The following BNC2 variants were observed in gnomAD, a reference collection of about 807,000 sequenced individuals.
The protein encoded by BNC2 is zinc finger protein basonuclin-2.
In BNC2, 20 loss-of-function variants were observed where a neutral mutation model predicts 76.3. The observed-to-expected ratio is 0.26, with a 90% CI of 0.18 to 0.38. The LOEUF is 0.38. Among genes scored for constraint, BNC2 ranks in the 10% least tolerant of loss-of-function variants. The pLI is 1.00. For synonymous variants in BNC2, 582 were observed against 514.8 expected, an observed-to-expected ratio of 1.13 and a Z score of -1.77; for missense variants, 1,382 against 1,399.8, an observed-to-expected ratio of 0.99 and a Z score of 0.20.
At chr9:16,511,145 T>C (rs1326083468) in intron 5 of BNC2, among the ~76,000 whole-genome samples, 3 of 150,046 alleles carry the variant, frequency 2.0e-5, no homozygotes, top group Non-Finnish European at 4.4e-5. Context: ...GGTCTTGTTC[T>C]GTCACCCAGG....
intron 1 of BNC2, among the ~76,000 whole-genome samples, chr9:16,865,708 T>C (rs188805319): frequency 3.0e-4 from 45 of 152,300 alleles, no homozygotes; most frequent in South Asian, 1.5e-3. Context: ...GATATTGTTA[T>C]GTACGGATAT....
intron 4 of BNC2, among the ~76,000 whole-genome samples, chr9:16,561,767 G>A (rs1027354444): frequency 1.3e-5 from 2 of 152,118 alleles, no homozygotes; most frequent in African/African-American, 4.8e-5. Flanking sequence ...CTTTTGAGAA[G>A]CTGAGCCAGG....
intron 1 of BNC2, among the ~76,000 whole-genome samples, chr9:16,777,700 C>CAAAAA (rs3084426): frequency 3.0e-5 from 3 of 100,444 alleles, no homozygotes; most frequent in Non-Finnish European, 3.5e-5. Context: ...GACTCCATCT[C>CAAAAA]AAAAAAAAAA....
At chr9:16,544,988 T>G (rs1249792498) in intron 5 of BNC2, among the ~76,000 whole-genome samples, 1 of 152,208 alleles carries the variant, frequency 6.6e-6, no homozygotes, top group Non-Finnish European at 1.5e-5. Context: ...TGTTCAAGTA[T>G]GTTCTCTCTG....
At chr9:16,842,942 C>T (rs529136722) in intron 1 of BNC2, among the ~76,000 whole-genome samples, 15 of 151,976 alleles carry the variant, frequency 9.9e-5, no homozygotes, top group Non-Finnish European at 1.5e-4. Context: ...AGTAGAGACG[C>T]AGTTTCGCCA....
chr9:16,575,533 A>G, intron 4 of BNC2: 7 of 720,644 alleles, frequency 9.7e-6, no homozygotes, highest in Non-Finnish European at 1.2e-5. Flanking sequence ...AAAAGTGTGC[A>G]GGCTGAGAAA....
intron 3 of BNC2, among the ~76,000 whole-genome samples, chr9:16,671,904 G>C (rs1215949205): frequency 6.6e-6 from 1 of 152,176 alleles, no homozygotes; most frequent in East Asian, 1.9e-4. Flanking sequence ...ATCTAGAACA[G>C]AGCCAAGTGT....
intron 3 of BNC2, among the ~76,000 whole-genome samples, chr9:16,611,633 T>C (rs1043358988): frequency 6.6e-5 from 10 of 151,860 alleles, no homozygotes; most frequent in Non-Finnish European, 8.8e-5. Flanking sequence ...AAAAAAAAGG[T>C]CTCACTTTAC....
At chr9:16,589,910 A>G (rs533881324) in intron 3 of BNC2, among the ~76,000 whole-genome samples, 44 of 152,198 alleles carry the variant, frequency 2.9e-4, no homozygotes, top group Non-Finnish European at 5.9e-4. Context: ...AAAATGCTTA[A>G]TAGTTAAGTA....
chr9:16,826,886 T>G (rs984782971), intron 1 of BNC2, among the ~76,000 whole-genome samples: 1 of 152,134 alleles, frequency 6.6e-6, no homozygotes, highest in Non-Finnish European at 1.5e-5. Context: ...AGAAAAAAAT[T>G]TTCTAAATGC....
At chr9:16,805,713 GCA>G (rs57325819) in intron 1 of BNC2, among the ~76,000 whole-genome samples, 68 of 148,780 alleles carry the variant, frequency 4.6e-4, no homozygotes, top group Non-Finnish European at 6.3e-4. Flanking sequence ...TTGCATACAT[GCA>G]CACACACACA....
chr9:16,668,610 C>A (rs62543515), intron 3 of BNC2, among the ~76,000 whole-genome samples: 1 of 152,264 alleles, frequency 6.6e-6, no homozygotes, highest in African/African-American at 2.4e-5. Flanking sequence ...ATTATTGTAG[C>A]CATTATTGTG....
intron 5 of BNC2, among the ~76,000 whole-genome samples, chr9:16,480,014 A>G (rs959106067): frequency 9.2e-5 from 14 of 152,232 alleles, no homozygotes; most frequent in African/African-American, 2.2e-4. Flanking sequence ...AATATTCAGT[A>G]TTTACTATGT....
At chr9:16,857,017 T>C (rs371063778) in intron 1 of BNC2, among the ~76,000 whole-genome samples, 1 of 152,312 alleles carries the variant, frequency 6.6e-6, no homozygotes, top group Admixed American at 6.5e-5. Context: ...TGTCAGTCCA[T>C]ACATATAAAA....
chr9:16,811,606 A>G (rs1818057011), intron 1 of BNC2, among the ~76,000 whole-genome samples: 1 of 151,472 alleles, frequency 6.6e-6, no homozygotes, highest in Non-Finnish European at 1.5e-5. Flanking sequence ...ACCCATGTGA[A>G]GGCTAGACAT....
intron 2 of BNC2, among the ~76,000 whole-genome samples, chr9:16,729,155 G>A (rs908775251): frequency 6.6e-6 from 1 of 152,124 alleles, no homozygotes; most frequent in Non-Finnish European, 1.5e-5. Flanking sequence ...TTATTAGATA[G>A]TATTTGTCTG....
At chr9:16,498,844 A>G (rs1294715145) in intron 5 of BNC2, among the ~76,000 whole-genome samples, 2 of 152,118 alleles carry the variant, frequency 1.3e-5, no homozygotes, top group African/African-American at 4.8e-5. Context: ...CTATTGTCCA[A>G]TTCTCAGTGG....
chr9:16,554,403 C>T lies in BNC2; in HGVS notation c.434-1638G>A, dbSNP rs571022758. Among the ~76,000 whole-genome samples the T allele has an allele frequency of 3.3e-5, 5 of 152,258 alleles. No individual in the cohort carries two copies. The East Asian group carries it at 5.8e-4, about 18-fold the overall frequency. The stretch of plus-strand genomic sequence containing the variant: ...AGTGTAAAGGCCCTTATCATTTACC[C>T]GCTGGCTTCATTCAACACATTTACT... On this transcript the variant is annotated intron_variant, in intron 4 of 6. Coordinates refer to ENST00000380672, the MANE Select transcript of BNC2 (RefSeq NM_017637.6).
chr9:16,660,197 G>A (rs888225601), intron 3 of BNC2, among the ~76,000 whole-genome samples: 2 of 152,222 alleles, frequency 1.3e-5, no homozygotes, highest in Admixed American at 6.5e-5. Flanking sequence ...GCTCAAGCCT[G>A]TAATCCCAGC....
Sources: gnomAD v4.1 joint callset for allele counts (sites outside exome capture counted in the v4.1 genomes callset) on GRCh38, gnomAD v4.1.1 for gene constraint, MANE v1.5 for transcripts, NCBI Gene and HGNC (gene_info 2026-07-23, HGNC 2026-07-21) for gene names.